SLC26A4: variants seen among roughly 807,000 people sequenced by gnomAD.
SLC26A4 encodes solute carrier family 26 member 4.
In SLC26A4, 93 loss-of-function variants were observed where a neutral mutation model predicts 90.4. That is an observed-to-expected ratio of 1.03 (90% CI 0.87 to 1.22). The LOEUF is 1.22. SLC26A4 is among the 50% of genes most tolerant of loss of function. The probability of loss-of-function intolerance (pLI) is 0.00; values close to 1 mark genes in which losing one functional copy is unlikely to be tolerated. For synonymous variants in SLC26A4, 393 were observed against 354.6 expected (o/e 1.11, Z -1.22); for missense variants, 1,127 against 946.2 (o/e 1.19, Z -2.51).
intron 18 of SLC26A4, 102 bp from the exon 19 acceptor site, chr7:107,709,952 C>T (rs1447666268): frequency 1.1e-6 from 1 of 930,960 alleles, no homozygotes; most frequent in Non-Finnish European, 1.7e-6. Flanking sequence ...GCAATGATGC[C>T]ACTGCACTCC....
At chr7:107,715,281 C>A (rs1358383385) in intron 20 of SLC26A4, 142 bp from the exon 21 acceptor site, 2 of 766,706 alleles carry the variant, frequency 2.6e-6, no homozygotes, top group Non-Finnish European at 4.7e-6. Context: ...AAGTTTTTAC[C>A]CTATTTCTAT....
Position 107,716,255 on chromosome 7 carries a change from G to A in SLC26A4, c.*809G>A, listed in dbSNP as rs1792342081. On this transcript the variant is annotated 3_prime_UTR_variant, in exon 21 of 21. Transcript: ENST00000644269. ...AGTCTATAGAAATGATCATTGCATGGAGGCATGTATAGGTATGATCTGTGT... is the reference window on the plus strand; with the variant it reads ...AGTCTATAGAAATGATCATTGCATGAAGGCATGTATAGGTATGATCTGTGT... 1 of 152,096 alleles carries A rather than the reference G, an allele frequency of 6.6e-6. No homozygotes were observed. Among genetic ancestry groups the A allele is most frequent in the Admixed American group, 6.6e-5 (1 of 15,266 alleles). The allele number at this position is 152,096 out of a possible 1,614,324, so 9.4% of individuals were successfully genotyped here.
intron 20 of SLC26A4, among the ~76,000 whole-genome samples, chr7:107,714,676 A>C (rs972408708): frequency 2.0e-5 from 3 of 152,196 alleles, no homozygotes; most frequent in African/African-American, 7.2e-5. Flanking sequence ...ACAATATAGC[A>C]CAATAGTTTC....
At chr7:107,679,846 C>A (rs1357322210) in intron 6 of SLC26A4, among the ~76,000 whole-genome samples, 3 of 89,128 alleles carry the variant, frequency 3.4e-5, no homozygotes, top group East Asian at 3.0e-4. Context: ...ATTATATAAT[C>A]TTATATTATT....
At position 107,661,679 on chromosome 7, in the gene SLC26A4, TC is replaced by T. The variant is rs1562817224; in HGVS notation, c.42del (p.Glu15SerfsTer51). 1 of 1,572,070 alleles carries T rather than the reference TC, an allele frequency of 6.4e-7. No individual in the cohort carries two copies. The highest frequency in any genetic ancestry group is 1.2e-5 in the South Asian group (1 of 86,320). On this transcript the variant is annotated frameshift_variant, in exon 2 of 21. Transcript: ENST00000644269. LOFTEE classifies it high-confidence loss of function. The surrounding 1 kb of genome is among the most constrained non-coding windows in gnomAD (Gnocchi z 5.1). ...APGGRSEPPQ[L>X]PEYSCSYMVS... ...GGCGGCAGGTCGGAGCCGCCGCAGCTCCCCGAGTACAGCTGCAGCTACATGG... is the reference window on the plus strand; with the variant it reads ...GGCGGCAGGTCGGAGCCGCCGCAGCTCCCGAGTACAGCTGCAGCTACATGG...
chr7:107,686,259 TCTTCCCTTC>T lies in SLC26A4; in HGVS notation c.1001+2730_1001+2738del, dbSNP rs1301496144. ...TACTCTTTCTTTCATTCTCTTTCTTTCTTCCCTTCCTTCCCTCCCTTCCCTCCCTTTCCT... is the reference window on the plus strand; with the variant it reads ...TACTCTTTCTTTCATTCTCTTTCTTTCTTCCCTCCCTTCCCTCCCTTTCCT... On this transcript the variant is annotated intron_variant, in intron 8 of 20. Transcript: ENST00000644269. 5.4e-3 allele frequency among the ~76,000 whole-genome samples: 788 copies of T among 146,394 alleles called. 16 individuals are homozygous for T. Among genetic ancestry groups the T allele is most frequent in the African/African-American group, 0.018 (722 of 39,736 alleles).
intron 8 of SLC26A4, among the ~76,000 whole-genome samples, chr7:107,687,865 G>A (rs927489218): frequency 6.6e-6 from 1 of 152,160 alleles, no homozygotes; most frequent in Non-Finnish European, 1.5e-5. Flanking sequence ...ATGTCATGCT[G>A]AGTCGCCCAA....
intron 15 of SLC26A4, 27 bp downstream of exon 15, chr7:107,700,202 T>G: frequency 8.6e-7 from 1 of 1,161,648 alleles, no homozygotes; most frequent in Non-Finnish European, 1.3e-6. Flanking sequence ...TAGAAATTTG[T>G]TTTCTAACCT....
chr7:107,665,915 C>G (rs963669917), intron 3 of SLC26A4, among the ~76,000 whole-genome samples: 5 of 152,134 alleles, frequency 3.3e-5, no homozygotes, highest in Admixed American at 3.3e-4. Context: ...GAAACATTAT[C>G]TCTATAAAGT....
intron 6 of SLC26A4, among the ~76,000 whole-genome samples, chr7:107,680,172 CT>C (rs1426834268): frequency 8.7e-6 from 1 of 114,712 alleles, no homozygotes; most frequent in Non-Finnish European, 1.6e-5. Context: ...ATAATCTTAT[CT>C]TATTATATAA....
intron 10 of SLC26A4, among the ~76,000 whole-genome samples, chr7:107,691,374 T>G (rs1791569777): frequency 6.6e-6 from 1 of 151,822 alleles, no homozygotes; most frequent in South Asian, 2.1e-4. Flanking sequence ...TGGTGGTAGA[T>G]GCCTGTAATC....
intron 18 of SLC26A4, among the ~76,000 whole-genome samples, chr7:107,704,748 A>C (rs1791995019): frequency 6.6e-6 from 1 of 152,202 alleles, no homozygotes; most frequent in African/African-American, 2.4e-5. Flanking sequence ...ACTTTTTTGT[A>C]TGAGGATTAT....
chr7:107,705,227 C>T (rs554617621), intron 18 of SLC26A4, among the ~76,000 whole-genome samples: 2 of 152,316 alleles, frequency 1.3e-5, no homozygotes, highest in African/African-American at 4.8e-5. Flanking sequence ...ATCAGTGCTA[C>T]TCTGTTACCA....
intron 10 of SLC26A4, among the ~76,000 whole-genome samples, chr7:107,691,196 G>A (rs1026375891): frequency 4.7e-5 from 7 of 149,330 alleles, no homozygotes; most frequent in Admixed American, 6.8e-5. Context: ...TTACTAAGGC[G>A]GGGACACTTA....
chr7:107,676,499 C>G (rs1056197046), intron 6 of SLC26A4, among the ~76,000 whole-genome samples: 3 of 152,086 alleles, frequency 2.0e-5, no homozygotes, highest in Non-Finnish European at 4.4e-5. Context: ...GTAGATCACA[C>G]TAATTAGATT....
intron 15 of SLC26A4, 38 bp downstream of exon 15, chr7:107,700,213 C>CT: frequency 1.0e-6 from 1 of 981,526 alleles, no homozygotes. Context: ...TTTCTAACCT[C>CT]TTTTGAGACT....
chr7:107,699,789 T>A (rs1791834495), intron 14 of SLC26A4, among the ~76,000 whole-genome samples: 1 of 151,754 alleles, frequency 6.6e-6, no homozygotes, highest in East Asian at 1.9e-4. Flanking sequence ...ATTAGCTGGG[T>A]GTGGTGGCAG....
chr7:107,704,693 C>T (rs1172952057), intron 18 of SLC26A4, among the ~76,000 whole-genome samples: 1 of 152,104 alleles, frequency 6.6e-6, no homozygotes, highest in Non-Finnish European at 1.5e-5. Context: ...TGAGACAGAA[C>T]AATAGGAAAA....
At chr7:107,688,037 G>C (rs578080232) in intron 8 of SLC26A4, among the ~76,000 whole-genome samples, 1 of 152,216 alleles carries the variant, frequency 6.6e-6, no homozygotes, top group East Asian at 2.0e-4. Context: ...GACAGATCTT[G>C]TTAGGTAGGA....
Sources: allele counts gnomAD v4.1 joint callset (sites outside exome capture counted in the v4.1 genomes callset), GRCh38; gene constraint gnomAD v4.1.1; non-coding constraint Gnocchi (gnomAD v3.1); transcripts MANE v1.5; gene names NCBI Gene and HGNC (gene_info 2026-07-23, HGNC 2026-07-21).